CALCR: variants seen among roughly 807,000 people sequenced by gnomAD.
CALCR encodes the protein calcitonin receptor.
A neutral mutation model predicts 59.5 loss-of-function variants in CALCR; 47 were observed. The ratio of observed to expected loss-of-function variants is 0.79; its 90% CI spans 0.63 to 1.01. The LOEUF (loss-of-function observed/expected upper bound fraction) is 1.01, where lower values mean the gene tolerates loss of function less well. Ranked by LOEUF, CALCR falls within the 50% of genes least tolerant of loss-of-function variation. The pLI is 0.00. For synonymous variants in CALCR, 213 were observed against 211.3 expected, an observed-to-expected ratio of 1.01 and a Z score of -0.07; for missense variants, 566 against 597.1, an observed-to-expected ratio of 0.95 and a Z score of 0.54.
Position 93,479,360 on chromosome 7 carries a change from C to T in CALCR, c.199G>A (p.Gly67Arg). The change falls in exon 4 of 14, where the codon GGA becomes AGA. Residue 67 changes from glycine (G) to arginine (R), a missense_variant. Transcript: ENST00000426151. Reference sequence around the variant, plus strand: ...TATATATCCTTCTCTTTACCTTCTCCTTGGTATGCGGGTAACTGCTGCATT... The same window carrying T: ...TATATATCCTTCTCTTTACCTTCTCTTTGGTATGCGGGTAACTGCTGCATT... ...DRMQQLPAYQ[G>R]EGPYCNRTWD... 6.2e-7 allele frequency: 1 copy of T among 1,607,334 alleles called. No homozygotes were observed. Among genetic ancestry groups the T allele is most frequent in the Non-Finnish European group, 8.5e-7 (1 of 1,177,200 alleles).
Position 93,472,423 on chromosome 7 carries a change from G to A in CALCR, c.381C>T (p.Thr127=), listed in dbSNP as rs374621206. Residue 127 remains threonine, a synonymous_variant, in exon 6 of 14, where the codon ACC becomes ACT. Coordinates refer to ENST00000426151, the MANE Select transcript of CALCR (RefSeq NM_001742.4). ...VWFKHPENNR[T]WSNYTMCNAF... is the part of the protein sequence containing the mutation. The stretch of plus-strand genomic sequence containing the variant: ...CATTGCACATAGTATAGTTGGACCA[G>A]GTTCGATTGTTTTCAGGATGTTTAA... 3 of 1,610,568 alleles carry A rather than the reference G, an allele frequency of 1.9e-6. No homozygotes were observed. The highest frequency in any genetic ancestry group is 1.1e-5 in the South Asian group (1 of 90,924).
intron 7 of CALCR, among the ~76,000 whole-genome samples, chr7:93,468,402 C>A (rs1800482870): frequency 6.6e-6 from 1 of 151,668 alleles, no homozygotes; most frequent in Admixed American, 6.6e-5. Flanking sequence ...TTAATGGTAA[C>A]TTACCCATGG....
chr7:93,483,935 T>C (rs1167729069), intron 3 of CALCR: 4 of 495,372 alleles, frequency 8.1e-6, no homozygotes, highest in South Asian at 1.5e-5. Flanking sequence ...TGTTGTCCCA[T>C]GTAGCAGTTT....
At chr7:93,426,638 C>T (rs751840146) in intron 13 of CALCR, 49 bp from the exon 14 acceptor site, 21 of 959,964 alleles carry the variant, frequency 2.2e-5, no homozygotes, top group South Asian at 4.5e-5. Flanking sequence ...CAGAAATGAT[C>T]CATGCAAAGT....
intron 8 of CALCR, among the ~76,000 whole-genome samples, chr7:93,454,916 TTG>T (rs4015273): frequency 0.039 from 5,596 of 144,862 alleles, 92 homozygotes; most frequent in East Asian, 0.058. Flanking sequence ...ACAGGGCATT[TTG>T]TGTGTGTGTG....
chr7:93,439,124 T>A (rs1031722965), intron 9 of CALCR, among the ~76,000 whole-genome samples: 2 of 152,158 alleles, frequency 1.3e-5, no homozygotes, highest in African/African-American at 2.4e-5. Context: ...TTTGTTATTG[T>A]CATCAGATTA....
chr7:93,454,055 A>C (rs976561807), intron 8 of CALCR, among the ~76,000 whole-genome samples: 1 of 152,006 alleles, frequency 6.6e-6, no homozygotes, highest in Non-Finnish European at 1.5e-5. Flanking sequence ...AAGCTACTGA[A>C]ATAGATCATT....
rs1026545733 is a variant in CALCR at position 93,424,879 on chromosome 7, A to G, written c.*1477T>C. ...TCCCAAATTCATTTTCTCTGTAGAA[A>G]TATAATTAATTTTCTCTGGGTGCGC... is the stretch of plus-strand genomic sequence containing the variant. On this transcript the variant is annotated 3_prime_UTR_variant, in exon 14 of 14. Coordinates refer to ENST00000426151, the MANE Select transcript of CALCR (RefSeq NM_001742.4). 5.2e-5 allele frequency: 8 copies of G among 152,608 alleles called. No homozygotes were observed. Among genetic ancestry groups the G allele is most frequent in the African/African-American group, 1.9e-4 (8 of 41,450 alleles). 9.5% of individuals were successfully genotyped at this position (152,608 alleles called of 1,614,324 possible).
At chr7:93,541,197 T>G (rs1200379120) in intron 2 of CALCR, among the ~76,000 whole-genome samples, 2 of 152,174 alleles carry the variant, frequency 1.3e-5, no homozygotes, top group African/African-American at 4.8e-5. Flanking sequence ...TTGTTTGAGA[T>G]GGAGTCTCAC....
chr7:93,443,816 C>T, intron 8 of CALCR, 59 bp from the exon 9 acceptor site: 1 of 1,487,360 alleles, frequency 6.7e-7, no homozygotes, highest in Non-Finnish European at 9.3e-7. Context: ...TGCCAGGGAG[C>T]ACAGAGCAAA....
intron 2 of CALCR, among the ~76,000 whole-genome samples, chr7:93,547,511 T>G (rs1321193091): frequency 6.6e-6 from 1 of 152,198 alleles, no homozygotes; most frequent in Non-Finnish European, 1.5e-5. Context: ...AAACCACATT[T>G]GTACTAATAC....
chr7:93,530,974 C>T (rs1387351076), intron 2 of CALCR, among the ~76,000 whole-genome samples: 2 of 151,998 alleles, frequency 1.3e-5, no homozygotes, highest in Non-Finnish European at 2.9e-5. Context: ...GCCTAGCAAT[C>T]AGAATTTTGA....
At chr7:93,495,436 A>G (rs1453583923) in intron 2 of CALCR, among the ~76,000 whole-genome samples, 1 of 151,428 alleles carries the variant, frequency 6.6e-6, no homozygotes, top group Non-Finnish European at 1.5e-5. Flanking sequence ...ATTTAGGGAC[A>G]GAACCTAAGG....
chr7:93,558,332 C>A (rs954922056), intron 2 of CALCR, among the ~76,000 whole-genome samples: 1 of 151,872 alleles, frequency 6.6e-6, no homozygotes, highest in Non-Finnish European at 1.5e-5. Context: ...TTGGTAGAAT[C>A]TTTATTTCTT....
chr7:93,492,290 G>C (rs1801098609), intron 2 of CALCR, among the ~76,000 whole-genome samples: 1 of 150,634 alleles, frequency 6.6e-6, no homozygotes, highest in East Asian at 2.0e-4. Context: ...AGGTCAATAG[G>C]TGTAAAAATT....
rs1245017350 is a variant in CALCR, at chr7:93,468,801, T to C, written c.435A>G (p.Ala145=). The C allele has an allele frequency of 6.5e-7, 1 of 1,549,054 alleles. No individual in the cohort carries two copies. The highest frequency in any genetic ancestry group is 8.8e-7 in the Non-Finnish European group (1 of 1,130,650). The change falls in exon 7 of 14, where the codon GCA becomes GCG. Residue 145 remains alanine (A), a synonymous_variant. Transcript: ENST00000426151. The part of the protein sequence containing the change: ...NAFTPEKLKN[A]YVLYYLAIVG... ...CAATAGCCAAATAGTACAGAACATA[T>C]GCATTCTGGAACAACAAAAAGTAAA... is the stretch of plus-strand genomic sequence containing the variant.
At chr7:93,448,368 T>G (rs1800044726) in intron 8 of CALCR, among the ~76,000 whole-genome samples, 1 of 151,970 alleles carries the variant, frequency 6.6e-6, no homozygotes, top group Non-Finnish European at 1.5e-5. Context: ...GAATTAAAAA[T>G]AACAGCCATA....
chr7:93,501,848 T>C (rs911955911), intron 2 of CALCR, among the ~76,000 whole-genome samples: 2 of 152,122 alleles, frequency 1.3e-5, no homozygotes, highest in African/African-American at 2.4e-5. Context: ...CTTCTCCAAC[T>C]GACAGTTGAC....
At chr7:93,492,557 C>T (rs958350878) in intron 2 of CALCR, among the ~76,000 whole-genome samples, 3 of 151,250 alleles carry the variant, frequency 2.0e-5, no homozygotes, top group Admixed American at 1.3e-4. Flanking sequence ...TATTTCAAGT[C>T]CACTCAGTAA....
Sources: gnomAD v4.1 joint callset for allele counts (sites outside exome capture counted in the v4.1 genomes callset) on GRCh38, gnomAD v4.1.1 for gene constraint, MANE v1.5 for transcripts, NCBI Gene and HGNC (gene_info 2026-07-23, HGNC 2026-07-21) for gene names.